NUP214: variants seen among roughly 807,000 people sequenced by gnomAD.
NUP214 encodes the protein nuclear pore complex protein Nup214.
A neutral mutation model predicts 196.2 loss-of-function variants in NUP214; 79 were observed. That is an observed-to-expected ratio of 0.40 (90% CI 0.34 to 0.49). The LOEUF (loss-of-function observed/expected upper bound fraction) is 0.49. Ranked by LOEUF, NUP214 falls within the 20% of genes least tolerant of loss-of-function variation. NUP214 has a pLI of 0.58. For synonymous variants in NUP214, 1,020 were observed against 990.5 expected, an observed-to-expected ratio of 1.03 and a Z score of -0.56; for missense variants, 2,468 against 2,539.0, an observed-to-expected ratio of 0.97 and a Z score of 0.60.
chr9:131,212,534 C>T (rs780335040), intron 30 of NUP214, among the ~76,000 whole-genome samples: 1 of 152,180 alleles, frequency 6.6e-6, no homozygotes, highest in Non-Finnish European at 1.5e-5. Context: ...CTTTATTTCT[C>T]AGACTGGCCG....
intron 22 of NUP214, 108 bp from the exon 23 acceptor site, chr9:131,175,352 T>C: frequency 7.7e-7 from 1 of 1,290,840 alleles, no homozygotes; most frequent in Non-Finnish European, 1.1e-6. Context: ...ATGTTAACGC[T>C]AATTTTAGCA....
intron 30 of NUP214, among the ~76,000 whole-genome samples, chr9:131,211,045 A>T (rs990191207): frequency 6.6e-6 from 1 of 152,214 alleles, no homozygotes; most frequent in Non-Finnish European, 1.5e-5. Context: ...TTAGCTAGTA[A>T]ATTGTAGAAC....
rs1834960769 is a variant in NUP214, at chr9:131,234,521, C to G, written c.*1034C>G. The G allele has an allele frequency of 8.6e-6, 2 of 231,946 alleles. No individual in the cohort carries two copies. The highest frequency in any genetic ancestry group is 4.4e-5 in the African/African-American group (2 of 45,216). The allele number at this position is 231,946 out of a possible 1,614,324, so 14.4% of individuals were successfully genotyped here. On this transcript the variant is annotated 3_prime_UTR_variant, in exon 36 of 36. Coordinates refer to ENST00000359428, the MANE Select transcript of NUP214 (RefSeq NM_005085.4). ...GCATTGAAAACAGATGTAAGAATTT[C>G]TCTTTCAGGCCCAGAATCTGACAGT...
intron 31 of NUP214, among the ~76,000 whole-genome samples, chr9:131,216,344 C>T (rs1449178877): frequency 1.3e-5 from 2 of 150,076 alleles, no homozygotes; most frequent in African/African-American, 2.5e-5. Context: ...CCTGCCTCAG[C>T]GTCCTGAATA....
chr9:131,138,062 A>G (rs570426451), intron 9 of NUP214, among the ~76,000 whole-genome samples: 3 of 152,242 alleles, frequency 2.0e-5, no homozygotes, highest in African/African-American at 7.2e-5. Context: ...TACCTGCTCC[A>G]TAGCTAAGTC....
Position 131,132,616 on chromosome 9 carries a change from C to G in NUP214, c.684C>G (p.Val228=). Residue 228 remains valine (V), a synonymous_variant, in exon 6 of 36, where the codon GTC becomes GTG. Transcript: ENST00000359428. ...TTCAGACTTTGCAGGAAAAAAAAGTCATTCCTTGTCCTCCGTTTTATGAGT... is the reference window on the plus strand; with the variant it reads ...TTCAGACTTTGCAGGAAAAAAAAGTGATTCCTTGTCCTCCGTTTTATGAGT... ...QYLPTLQEKK[V]IPCPPFYESD... is the part of the protein sequence containing the mutation. The G allele has an allele frequency of 6.2e-7, 1 of 1,614,090 alleles. No homozygotes were observed. Among genetic ancestry groups the G allele is most frequent in the Non-Finnish European group, 8.5e-7 (1 of 1,179,968 alleles).
rs573391241 is a variant in NUP214 at position 131,227,166 on chromosome 9, G to A, written c.5903-994G>A. ...TTTCAGCAGTATCTTGGAAGTTTGG[G>A]AACCCGCATCAGGAATAGCTCAGGA... On this transcript the variant is annotated intron_variant, in intron 32 of 35. Transcript: ENST00000359428. Among the ~76,000 whole-genome samples the A allele has an allele frequency of 1.2e-4, 18 of 152,324 alleles. 1 individual carries two copies. In the South Asian group the frequency reaches 3.7e-3, roughly 32 times the overall value.
Position 131,146,447 on chromosome 9 carries a change from G to A in NUP214, c.1945+143G>A. ...ATCATACATTAATGATTAATGTGCTGTGATTTTCATACTCTGAATTGGGAG... is the reference window on the plus strand; with the variant it reads ...ATCATACATTAATGATTAATGTGCTATGATTTTCATACTCTGAATTGGGAG... On this transcript the variant is annotated intron_variant, in intron 13 of 35. Coordinates refer to ENST00000359428, the MANE Select transcript of NUP214 (RefSeq NM_005085.4). This position sits in a 1 kb window ranked among gnomAD's most constrained non-coding sequence, Gnocchi z 4.6. 1 of 817,146 alleles carries A rather than the reference G, an allele frequency of 1.2e-6. No individual in the cohort carries two copies. The highest frequency in any genetic ancestry group is 1.9e-6 in the Non-Finnish European group (1 of 518,780). The allele number at this position is 817,146 out of a possible 1,614,324, so 50.6% of individuals were successfully genotyped here.
At chr9:131,194,177 G>A (rs1397471548) in intron 27 of NUP214, 1 of 145,346 alleles carries the variant, frequency 6.9e-6, no homozygotes, top group Non-Finnish European at 1.5e-5. Context: ...GCGTGTGTGT[G>A]TGTGTGAGAT....
chr9:131,192,140 G>C (rs1833619367), intron 26 of NUP214, 68 bp from the exon 27 acceptor site: 2 of 1,042,248 alleles, frequency 1.9e-6, no homozygotes, highest in African/African-American at 1.7e-5. Context: ...TTATACACTG[G>C]AACAGTGTTT....
intron 31 of NUP214, among the ~76,000 whole-genome samples, chr9:131,219,384 T>G (rs900743869): frequency 1.3e-5 from 2 of 152,196 alleles, no homozygotes; most frequent in Non-Finnish European, 2.9e-5. Flanking sequence ...AGAGAGTTAT[T>G]TGAGCAGTCC....
chr9:131,142,183 A>G (rs1336890541), intron 11 of NUP214, among the ~76,000 whole-genome samples: 1 of 152,126 alleles, frequency 6.6e-6, no homozygotes, highest in Non-Finnish European at 1.5e-5. Flanking sequence ...TGAACTACCT[A>G]TACCCAGCTG....
At chr9:131,191,098 CTTGTTG>C (rs1018849410) in intron 26 of NUP214, 1 of 149,658 alleles carries the variant, frequency 6.7e-6, no homozygotes, top group Non-Finnish European at 1.5e-5. Flanking sequence ...TTTTTTTTTT[CTTGTTG>C]TTGTTTGGTT....
Position 131,150,420 on chromosome 9 carries a change from T to C in NUP214, c.2127+10T>C. ...TGGAATTGGGGAGGAGGTAAATTTG[T>C]TTCCTGAGGGTGTTTTTCTGAAAGT... is the stretch of plus-strand genomic sequence containing the variant. On this transcript the variant is annotated intron_variant, in intron 15 of 35. Transcript: ENST00000359428. The C allele has an allele frequency of 4.3e-6, 7 of 1,613,882 alleles. No individual in the cohort carries two copies. Among genetic ancestry groups the C allele is most frequent in the Non-Finnish European group, 5.9e-6 (7 of 1,179,738 alleles).
chr9:131,234,422 C>T lies in NUP214; in HGVS notation c.*935C>T, dbSNP rs571003253. On this transcript the variant is annotated 3_prime_UTR_variant, in exon 36 of 36. Coordinates refer to ENST00000359428, the MANE Select transcript of NUP214 (RefSeq NM_005085.4). ...TCATCACTGCAGTTTTATTAGAGTG[C>T]TTCTTTATCTTTAATGCAGTATCTT... is the stretch of plus-strand genomic sequence containing the variant. The T allele has an allele frequency of 4.3e-6, 1 of 232,204 alleles. No individual in the cohort carries two copies. The highest frequency in any genetic ancestry group is 1.8e-4 in the South Asian group (1 of 5,510). 14.4% of individuals were successfully genotyped at this position (232,204 alleles called of 1,614,324 possible).
intron 17 of NUP214, among the ~76,000 whole-genome samples, chr9:131,154,216 A>AT (rs961540858): frequency 3.3e-5 from 5 of 151,826 alleles, no homozygotes; most frequent in South Asian, 2.1e-4. Flanking sequence ...CCACAAAATA[A>AT]TTTTTTTTTA....
At position 131,146,217 on chromosome 9, in the gene NUP214, G is replaced by A; in HGVS notation, c.1858G>A (p.Ala620Thr). 2.5e-6 allele frequency: 4 copies of A among 1,614,120 alleles called. No homozygotes were observed. The highest frequency in any genetic ancestry group is 3.4e-6 in the Non-Finnish European group (4 of 1,180,024). The change falls in exon 13 of 36, where the codon GCT becomes ACT. Residue 620 changes from alanine to threonine, a missense_variant. Ala to Thr is a moderately conservative substitution (Grantham distance 58, BLOSUM62 0). Transcript: ENST00000359428. This position sits in a 1 kb window ranked among gnomAD's most constrained non-coding sequence, Gnocchi z 4.6. ...SPFSSASKPA[A>T]SGPLSHPTPL... ...ATTCTCTTCTGCCTCCAAGCCAGCT[G>A]CTTCTGGACCACTCAGCCACCCCAC...
intron 27 of NUP214, among the ~76,000 whole-genome samples, chr9:131,193,625 TTTTC>T (rs1833677308): frequency 8.4e-6 from 1 of 119,716 alleles, no homozygotes; most frequent in South Asian, 2.8e-4. Flanking sequence ...TTCTTCTTCC[TTTTC>T]TTTTTTTTTT....
At chr9:131,151,707 G>A (rs1419470475) in intron 16 of NUP214, 29 bp from the exon 17 acceptor site, 1 of 1,576,616 alleles carries the variant, frequency 6.3e-7, no homozygotes, top group Non-Finnish European at 8.6e-7. Flanking sequence ...ACAACTTTTT[G>A]TACCAACACA....
Sources: allele counts gnomAD v4.1 joint callset (sites outside exome capture counted in the v4.1 genomes callset), GRCh38; gene constraint gnomAD v4.1.1; non-coding constraint Gnocchi (gnomAD v3.1); transcripts MANE v1.5; gene names NCBI Gene and HGNC (gene_info 2026-07-23, HGNC 2026-07-21).